SPAG16: variants seen among roughly 807,000 people sequenced by gnomAD.
SPAG16 encodes sperm associated antigen 16, also known as sperm-associated antigen 16 protein.
SPAG16 carries 86 observed loss-of-function variants against 80.4 expected under a neutral mutation model. The observed-to-expected ratio is 1.07, with a 90% CI of 0.90 to 1.28. The LOEUF is 1.28. Among genes scored for constraint, SPAG16 ranks in the 50% most tolerant of loss-of-function variants. The pLI, the probability that SPAG16 is intolerant of heterozygous loss-of-function variation, is 0.00. For synonymous variants in SPAG16, 294 were observed against 265.9 expected (o/e 1.11, Z -1.03); for missense variants, 870 against 765.3 (o/e 1.14, Z -1.61).
At chr2:213,554,631 AAAT>A (rs1482695686) in intron 10 of SPAG16, among the ~76,000 whole-genome samples, 2 of 152,234 alleles carry the variant, frequency 1.3e-5, no homozygotes, top group Non-Finnish European at 2.9e-5. Context: ...TAAATAAGAA[AAAT>A]AATAAGCAAC....
chr2:213,898,810 G>C (rs1482389566), intron 11 of SPAG16, among the ~76,000 whole-genome samples: 1 of 152,110 alleles, frequency 6.6e-6, no homozygotes, highest in Non-Finnish European at 1.5e-5. Context: ...CAAAATATTA[G>C]AGACGGTCTT....
At chr2:213,890,894 G>A (rs1186357879) in intron 11 of SPAG16, among the ~76,000 whole-genome samples, 1 of 151,924 alleles carries the variant, frequency 6.6e-6, no homozygotes, top group African/African-American at 2.4e-5. Flanking sequence ...AGGAGGTGGG[G>A]AATGAAGAGA....
At chr2:214,372,239 T>C (rs758514091) in intron 15 of SPAG16, among the ~76,000 whole-genome samples, 29 of 152,180 alleles carry the variant, frequency 1.9e-4, no homozygotes, top group Non-Finnish European at 3.7e-4. Flanking sequence ...TTATGTTTCG[T>C]CTCTATTATA....
chr2:213,923,488 G>C (rs1182477065), intron 11 of SPAG16, among the ~76,000 whole-genome samples: 1 of 152,180 alleles, frequency 6.6e-6, no homozygotes, highest in South Asian at 2.1e-4. Flanking sequence ...ATGCCTTACT[G>C]TCCAGGTGTT....
intron 10 of SPAG16, among the ~76,000 whole-genome samples, chr2:213,787,443 A>T (rs2070412554): frequency 6.6e-6 from 1 of 152,008 alleles, no homozygotes; most frequent in South Asian, 2.1e-4. Flanking sequence ...TTGGGTTTAG[A>T]TGTGTGTGAG....
chr2:213,315,729 A>G (rs1435427849), intron 4 of SPAG16, among the ~76,000 whole-genome samples: 1 of 151,544 alleles, frequency 6.6e-6, no homozygotes, highest in Admixed American at 6.6e-5. Context: ...CACAGTGCCA[A>G]CTTCAGTAAT....
At chr2:213,580,941 A>G (rs1361203790) in intron 10 of SPAG16, among the ~76,000 whole-genome samples, 1 of 151,950 alleles carries the variant, frequency 6.6e-6, no homozygotes, top group African/African-American at 2.4e-5. Context: ...AGACTTTTGT[A>G]ATTAAGTAAG....
intron 10 of SPAG16, among the ~76,000 whole-genome samples, chr2:213,796,295 A>T (rs779977903): frequency 2.0e-5 from 3 of 152,138 alleles, no homozygotes; most frequent in Admixed American, 1.3e-4. Flanking sequence ...CCCCCGAAAA[A>T]AGTCCATACC....
chr2:213,973,033 T>C (rs72934026), intron 12 of SPAG16, among the ~76,000 whole-genome samples: 35,427 of 152,134 alleles, frequency 0.23, 4,341 homozygotes, highest in African/African-American at 0.26. Flanking sequence ...ATTAATTCTG[T>C]GCTGGGTCAC....
At chr2:214,191,814 T>C (rs1007753630) in intron 15 of SPAG16, among the ~76,000 whole-genome samples, 2 of 151,758 alleles carry the variant, frequency 1.3e-5, no homozygotes, top group African/African-American at 4.8e-5. Flanking sequence ...AGAAAACGAT[T>C]TCCGTATAGT....
intron 13 of SPAG16, among the ~76,000 whole-genome samples, chr2:214,094,939 C>G (rs1333466697): frequency 5.3e-5 from 8 of 151,930 alleles, no homozygotes; most frequent in African/African-American, 1.7e-4. Context: ...AGATCGTTGC[C>G]AATTGGATGA....
chr2:214,216,701 A>G (rs1327782543), intron 15 of SPAG16, among the ~76,000 whole-genome samples: 2 of 152,216 alleles, frequency 1.3e-5, no homozygotes, highest in Non-Finnish European at 2.9e-5. Context: ...TTGGGTAAAG[A>G]CTAATATTTT....
At chr2:214,052,591 C>A (rs2049708977) in intron 13 of SPAG16, among the ~76,000 whole-genome samples, 1 of 152,120 alleles carries the variant, frequency 6.6e-6, no homozygotes, top group African/African-American at 2.4e-5. Context: ...TTGGAGAAAT[C>A]TTTTCTCTTT....
intron 11 of SPAG16, among the ~76,000 whole-genome samples, chr2:213,879,992 A>T (rs1201239928): frequency 6.6e-6 from 1 of 152,192 alleles, no homozygotes; most frequent in African/African-American, 2.4e-5. Flanking sequence ...TCCTTTGGGT[A>T]TATACCCAGT....
intron 9 of SPAG16, among the ~76,000 whole-genome samples, chr2:213,419,622 TAA>T (rs1192339144): frequency 1.3e-5 from 2 of 152,172 alleles, no homozygotes; most frequent in African/African-American, 4.8e-5. Context: ...TTTAAAAAAT[TAA>T]GATTGTTTTT....
In SPAG16 at chr2:213,422,304, G is replaced by T. The variant is rs763621562; in HGVS notation, c.942+47185G>T. 8 of 701,774 alleles carry T rather than the reference G, an allele frequency of 1.1e-5. No individual in the cohort carries two copies. In the South Asian group the frequency reaches 1.2e-4, roughly 10 times the overall value. The allele number at this position is 701,774 out of a possible 1,614,324, so 43.5% of individuals were successfully genotyped here. A position where few individuals can be genotyped will look rare whatever the true frequency, so the allele number is the denominator to read the frequency against. ...GATTTGGGTGCCCACAGCAGAAGTT[G>T]CTTGGAGTGCATCTGATCCAGCTCC... On this transcript the variant is annotated intron_variant, in intron 9 of 15. Coordinates refer to ENST00000331683, the MANE Select transcript of SPAG16 (RefSeq NM_024532.5).
At chr2:214,020,209 CT>C (rs1210356056) in intron 13 of SPAG16, among the ~76,000 whole-genome samples, 1 of 152,154 alleles carries the variant, frequency 6.6e-6, no homozygotes, top group Admixed American at 6.6e-5. Flanking sequence ...CTCGGTCTTC[CT>C]TCTTCCATGC....
chr2:213,748,571 T>C (rs2067939576), intron 10 of SPAG16, among the ~76,000 whole-genome samples: 1 of 152,172 alleles, frequency 6.6e-6, no homozygotes, highest in Non-Finnish European at 1.5e-5. Flanking sequence ...TAATTGGATA[T>C]GTTTACTGTG....
chr2:214,231,500 C>T (rs771209207), intron 15 of SPAG16, among the ~76,000 whole-genome samples: 3 of 151,856 alleles, frequency 2.0e-5, no homozygotes, highest in Admixed American at 6.6e-5. Context: ...TATTGTATAA[C>T]GATACTCATG....
Sources: gnomAD v4.1 joint callset for allele counts (sites outside exome capture counted in the v4.1 genomes callset) on GRCh38, gnomAD v4.1.1 for gene constraint, MANE v1.5 for transcripts, NCBI Gene and HGNC (gene_info 2026-07-23, HGNC 2026-07-21) for gene names.